The following NME7 variants were observed in gnomAD, a reference collection of about 807,000 sequenced individuals.
The protein encoded by NME7 is nucleoside diphosphate kinase 7.
A neutral mutation model predicts 49.1 loss-of-function variants in NME7; 41 were observed. That is an observed-to-expected ratio of 0.83 (90% CI 0.65 to 1.08). The LOEUF (loss-of-function observed/expected upper bound fraction) is 1.08. NME7 is among the 50% of genes least tolerant of loss of function. The probability of loss-of-function intolerance (pLI) is 0.00; values close to 1 mark genes in which losing one functional copy is unlikely to be tolerated. For synonymous variants in NME7, 139 were observed against 150.6 expected (o/e 0.92, Z 0.56); for missense variants, 423 against 463.4 (o/e 0.91, Z 0.80).
At chr1:169,136,622 C>G (rs558497505) in intron 11 of NME7, among the ~76,000 whole-genome samples, 1 of 152,252 alleles carries the variant, frequency 6.6e-6, no homozygotes, top group South Asian at 2.1e-4. Flanking sequence ...CACTTCCTTC[C>G]CCTCCTTCTT....
chr1:169,169,743 TTC>T (rs1659522725), intron 10 of NME7, among the ~76,000 whole-genome samples, 189 bp from the exon 11 acceptor site: 1 of 152,232 alleles, frequency 6.6e-6, no homozygotes, highest in African/African-American at 2.4e-5. Context: ...ATAATTGCAT[TTC>T]TTTTTATCAA....
chr1:169,239,640 G>A (rs955100784), intron 7 of NME7, among the ~76,000 whole-genome samples: 2 of 151,980 alleles, frequency 1.3e-5, no homozygotes, highest in African/African-American at 4.8e-5. Context: ...CAAAATTAGT[G>A]ACATGGGATT....
chr1:169,138,883 A>T (rs1658509127), intron 11 of NME7, among the ~76,000 whole-genome samples: 1 of 152,182 alleles, frequency 6.6e-6, no homozygotes, highest in Non-Finnish European at 1.5e-5. Context: ...TCTTTATGGA[A>T]AATATTTACC....
At chr1:169,337,876 C>T (rs918221748) in intron 1 of NME7, among the ~76,000 whole-genome samples, 3 of 152,206 alleles carry the variant, frequency 2.0e-5, no homozygotes, top group Admixed American at 6.5e-5. Flanking sequence ...AATTTTCTTA[C>T]ATTGAATAGT....
At chr1:169,177,697 A>G (rs1428434079) in intron 10 of NME7, among the ~76,000 whole-genome samples, 1 of 152,006 alleles carries the variant, frequency 6.6e-6, no homozygotes, top group Non-Finnish European at 1.5e-5. Context: ...CCCACCTGAA[A>G]TGAACTAGTC....
At chr1:169,191,202 A>G (rs1660219990) in intron 10 of NME7, among the ~76,000 whole-genome samples, 1 of 152,230 alleles carries the variant, frequency 6.6e-6, no homozygotes, top group East Asian at 1.9e-4. Flanking sequence ...TGAAGTAAGC[A>G]TAATTTCCCA....
chr1:169,165,187 A>G (rs1659374373), intron 11 of NME7, among the ~76,000 whole-genome samples: 1 of 152,236 alleles, frequency 6.6e-6, no homozygotes, highest in Non-Finnish European at 1.5e-5. Context: ...ATTCATGCTA[A>G]GATCTTTGAC....
chr1:169,222,216 A>G (rs1661165099), intron 10 of NME7, among the ~76,000 whole-genome samples: 1 of 151,900 alleles, frequency 6.6e-6, no homozygotes, highest in South Asian at 2.1e-4. Flanking sequence ...TTATTTGTTT[A>G]TTATCTGTCT....
intron 4 of NME7, among the ~76,000 whole-genome samples, chr1:169,307,078 G>C (rs1334643884): frequency 6.6e-6 from 1 of 152,188 alleles, no homozygotes; most frequent in East Asian, 1.9e-4. Flanking sequence ...AGGCTCAGTG[G>C]ATGGTAAAAC....
intron 11 of NME7, among the ~76,000 whole-genome samples, chr1:169,140,415 A>G (rs1658556493): frequency 6.6e-6 from 1 of 152,202 alleles, no homozygotes; most frequent in Non-Finnish European, 1.5e-5. Flanking sequence ...AAAATTGAAG[A>G]TAATAAAACC....
intron 1 of NME7, among the ~76,000 whole-genome samples, chr1:169,336,419 G>A (rs892084592): frequency 2.6e-5 from 4 of 152,114 alleles, no homozygotes; most frequent in East Asian, 1.9e-4. Context: ...TGGTAGAGCC[G>A]AGTGGCCTGT....
At chr1:169,134,395 A>G (rs1658358883) in intron 11 of NME7, among the ~76,000 whole-genome samples, 1 of 152,164 alleles carries the variant, frequency 6.6e-6, no homozygotes, top group Non-Finnish European at 1.5e-5. Context: ...GTGTTCTTAC[A>G]TTCAAGAAAT....
intron 11 of NME7, among the ~76,000 whole-genome samples, chr1:169,141,825 A>C (rs1658606187): frequency 2.0e-5 from 3 of 152,328 alleles, no homozygotes; most frequent in African/African-American, 4.8e-5. Context: ...GAGAATACAT[A>C]ATCAGAATTC....
At chr1:169,291,142 C>T (rs1310638069) in intron 6 of NME7, among the ~76,000 whole-genome samples, 2 of 152,130 alleles carry the variant, frequency 1.3e-5, no homozygotes, top group Non-Finnish European at 2.9e-5. Flanking sequence ...GCATTTGACC[C>T]AGCAATCCCA....
At chr1:169,177,591 A>G (rs940941292) in intron 10 of NME7, among the ~76,000 whole-genome samples, 14 of 152,114 alleles carry the variant, frequency 9.2e-5, no homozygotes, top group African/African-American at 3.4e-4. Context: ...GTTCAAGATC[A>G]TCGTGGCCAA....
chr1:169,235,187 G>T lies in NME7; in HGVS notation c.832C>A (p.Arg278=). 6.5e-7 allele frequency: 1 copy of T among 1,535,264 alleles called. No homozygotes were observed. ...TCATAGAATTCCTCAACATTAACCC[G>T]ATCCATATTGAACTATATTAAAAAA... ...ISAMQMFNMD[R]VNVEEFYEVY... Residue 278 remains arginine (R), a synonymous_variant, in exon 9 of 12, where the codon CGG becomes AGG. Coordinates refer to ENST00000367811, the MANE Select transcript of NME7 (RefSeq NM_013330.5).
intron 10 of NME7, among the ~76,000 whole-genome samples, chr1:169,205,160 T>A (rs2101784467): frequency 6.6e-6 from 1 of 152,284 alleles, no homozygotes; most frequent in African/African-American, 2.4e-5. Flanking sequence ...AAACAATACT[T>A]ACTATTATAA....
chr1:169,157,394 CATGCCAAATG>C (rs1281928848), intron 11 of NME7, among the ~76,000 whole-genome samples: 1 of 152,186 alleles, frequency 6.6e-6, no homozygotes, highest in Non-Finnish European at 1.5e-5. Context: ...GCCACATGAC[CATGCCAAATG>C]GTGAGTGCAG....
intron 10 of NME7, among the ~76,000 whole-genome samples, chr1:169,229,219 T>C (rs896322963): frequency 1.3e-5 from 2 of 152,216 alleles, no homozygotes; most frequent in Non-Finnish European, 2.9e-5. Flanking sequence ...CCATATTTCC[T>C]CTATCTAAGA....
Sources: gnomAD v4.1 joint callset for allele counts (sites outside exome capture counted in the v4.1 genomes callset) on GRCh38, gnomAD v4.1.1 for gene constraint, MANE v1.5 for transcripts, NCBI Gene and HGNC (gene_info 2026-07-23, HGNC 2026-07-21) for gene names.